The following ZFHX3 variants were observed in gnomAD, a reference collection of about 807,000 sequenced individuals.
ZFHX3 encodes the protein zinc finger homeobox protein 3.
ZFHX3 carries 42 observed loss-of-function variants against 279.1 expected under a neutral mutation model. The observed-to-expected ratio is 0.15, with a 90% CI of 0.12 to 0.19. The LOEUF is 0.19. ZFHX3 is among the 10% of genes least tolerant of loss of function. The pLI is 1.00. For missense variants in ZFHX3, 4,981 were observed against 4,754.0 expected (o/e 1.05, Z -1.40); for synonymous variants, 2,293 against 1,957.8 (o/e 1.17, Z -4.52).
intron 4 of ZFHX3, among the ~76,000 whole-genome samples, chr16:73,262,823 G>T (rs529998152): frequency 6.6e-6 from 1 of 152,254 alleles, no homozygotes; most frequent in East Asian, 1.9e-4. Flanking sequence ...CTGCTGCCAT[G>T]TGAAAAAAAC....
intron 3 of ZFHX3, among the ~76,000 whole-genome samples, chr16:72,890,515 C>A (rs1430738303): frequency 3.3e-5 from 5 of 150,858 alleles, no homozygotes; most frequent in Non-Finnish European, 7.4e-5. Context: ...TTTTTTTCCC[C>A]CAGAGTACCC....
chr16:73,472,230 T>G (rs183596653), intron 2 of ZFHX3, among the ~76,000 whole-genome samples: 4 of 151,602 alleles, frequency 2.6e-5, no homozygotes, highest in Admixed American at 2.6e-4. Flanking sequence ...GAGCCCATGT[T>G]TTCAGACTCT....
At chr16:73,187,941 C>T (rs535892494) in intron 5 of ZFHX3, among the ~76,000 whole-genome samples, 11 of 152,256 alleles carry the variant, frequency 7.2e-5, no homozygotes, top group African/African-American at 2.4e-4. Flanking sequence ...TCACTGCAAG[C>T]TCCGCCTCCC....
At chr16:73,049,672 G>A (rs181587196), upstream of ZFHX3, among the ~76,000 whole-genome samples, 2 of 152,268 alleles carry the variant, frequency 1.3e-5, no homozygotes, top group South Asian at 2.1e-4. Flanking sequence ...GGACAAAGGA[G>A]GGCACAAGCC....
At chr16:73,177,322 T>C (rs929020685) in intron 5 of ZFHX3, among the ~76,000 whole-genome samples, 4 of 152,108 alleles carry the variant, frequency 2.6e-5, no homozygotes, top group African/African-American at 7.2e-5. Context: ...ATAAATGGGG[T>C]TTTTGGAAAT....
intron 2 of ZFHX3, among the ~76,000 whole-genome samples, chr16:73,602,860 T>C (rs916031802): frequency 2.6e-5 from 4 of 151,188 alleles, no homozygotes; most frequent in African/African-American, 9.8e-5. Context: ...AGCAGGAGAA[T>C]TGCTTGAACC....
chr16:72,831,868 T>C (rs770598937), intron 4 of ZFHX3, among the ~76,000 whole-genome samples: 1 of 152,296 alleles, frequency 6.6e-6, no homozygotes, highest in Non-Finnish European at 1.5e-5. Context: ...TGTTCCATTA[T>C]TGGAACACTA....
At chr16:72,946,945 C>T (rs1960710205) in intron 3 of ZFHX3, among the ~76,000 whole-genome samples, 1 of 152,210 alleles carries the variant, frequency 6.6e-6, no homozygotes, top group African/African-American at 2.4e-5. Context: ...CATGCTGGCT[C>T]AGATGTGACA....
intron 7 of ZFHX3, among the ~76,000 whole-genome samples, chr16:72,801,612 T>C (rs2143498826): frequency 6.6e-6 from 1 of 152,274 alleles, no homozygotes; most frequent in East Asian, 1.9e-4. Context: ...TTCTGAGAAA[T>C]GCTGTGTTTA....
rs776637600 is a variant in ZFHX3, at chr16:72,793,615, T to G, written c.9067A>C (p.Lys3023Gln). 6.2e-7 allele frequency: 1 copy of G among 1,614,106 alleles called. No individual in the cohort carries two copies. Among genetic ancestry groups the G allele is most frequent in the African/African-American group, 1.3e-5 (1 of 74,942 alleles). Residue 3023 changes from lysine to glutamine, a missense_variant, in exon 9 of 10, where the codon AAA becomes CAA. This residue lies in a region of ZFHX3 where 168 missense variants were observed against 249.1 expected (regional missense o/e 0.67). Coordinates refer to ENST00000268489, the MANE Select transcript of ZFHX3 (RefSeq NM_006885.4). This position sits in a 1 kb window ranked among gnomAD's most constrained non-coding sequence, Gnocchi z 4.3. ...GINQTSYEGP[K>Q]TECTLCGIKY... ...ATGCCACACAAAGTGCACTCTGTTT[T>G]GGGTCCCTCATAACTCGTTTGGTTT...
At chr16:72,915,045 C>T (rs1365341003) in intron 3 of ZFHX3, among the ~76,000 whole-genome samples, 2 of 152,118 alleles carry the variant, frequency 1.3e-5, no homozygotes, top group African/African-American at 2.4e-5. Context: ...AAGTAGCCTA[C>T]GTTATTCAAA....
chr16:72,868,499 G>C (rs1350822016), intron 4 of ZFHX3, among the ~76,000 whole-genome samples: 1 of 152,200 alleles, frequency 6.6e-6, no homozygotes, highest in African/African-American at 2.4e-5. Context: ...TGGGGAGCCA[G>C]TCTTACCCTC....
intron 4 of ZFHX3, among the ~76,000 whole-genome samples, chr16:73,271,107 C>T (rs774604567): frequency 6.6e-6 from 1 of 152,132 alleles, no homozygotes; most frequent in Non-Finnish European, 1.5e-5. Flanking sequence ...TGGCCCAGGC[C>T]CTGGCAATTT....
At chr16:73,265,762 A>G (rs1051096021) in intron 4 of ZFHX3, among the ~76,000 whole-genome samples, 5 of 152,210 alleles carry the variant, frequency 3.3e-5, no homozygotes, top group African/African-American at 1.2e-4. Flanking sequence ...ATTTGTATAA[A>G]AATGGCTGCA....
chr16:73,055,701 CACACACACACACACACACACAT>C lies in ZFHX3; in HGVS notation c.-24+2807_-24+2828del, dbSNP rs1371860607. On this transcript the variant is annotated intron_variant, in intron 1 of 8. Transcript: ENST00000397992. ...GTACGCGCGCGCGCGCGCGCGCGCA[CACACACACACACACACACACAT>C]ACACACACACACACGTCAGGACTGC... is the stretch of plus-strand genomic sequence containing the variant. Among the ~76,000 whole-genome samples, 125 of 93,104 alleles carry C rather than the reference CACACACACACACACACACACAT, an allele frequency of 1.3e-3. 2 individuals are homozygous for C. The highest frequency in any genetic ancestry group is 9.2e-3 in the South Asian group (30 of 3,272). The allele number at this position is 93,104 out of a possible 152,430, so 61.1% of individuals were successfully genotyped here.
intron 5 of ZFHX3, among the ~76,000 whole-genome samples, chr16:73,168,215 C>CTT (rs1028317799): frequency 1.2e-3 from 109 of 92,478 alleles, no homozygotes; most frequent in African/African-American, 4.8e-3. Context: ...CTTTTGTTTT[C>CTT]TTTCTTTCTT....
intron 4 of ZFHX3, among the ~76,000 whole-genome samples, chr16:72,839,202 C>CA (rs2037281283): frequency 6.6e-6 from 1 of 152,058 alleles, no homozygotes; most frequent in Admixed American, 6.6e-5. Context: ...CCTTCCCCCC[C>CA]CCATTTTCCA....
At chr16:73,147,855 G>C (rs1209931590) in intron 5 of ZFHX3, among the ~76,000 whole-genome samples, 1 of 152,142 alleles carries the variant, frequency 6.6e-6, no homozygotes, top group Non-Finnish European at 1.5e-5. Flanking sequence ...CTCGGTGACA[G>C]AGCGAGATCC....
chr16:73,486,836 G>A (rs980777615), intron 2 of ZFHX3: 1 of 455,948 alleles, frequency 2.2e-6, no homozygotes, highest in Non-Finnish European at 4.4e-6. Context: ...GCACTTTAGG[G>A]TCTCAGGCTT....
Sources: allele counts gnomAD v4.1 joint callset (sites outside exome capture counted in the v4.1 genomes callset), GRCh38; gene constraint gnomAD v4.1.1; regional missense constraint gnomAD v4.1.1; non-coding constraint Gnocchi (gnomAD v3.1); transcripts MANE v1.5; gene names NCBI Gene and HGNC (gene_info 2026-07-23, HGNC 2026-07-21).